IPCEF1: variants seen among roughly 807,000 people sequenced by gnomAD.
IPCEF1 encodes interactor protein for cytohesin exchange factors 1.
A neutral mutation model predicts 50.9 loss-of-function variants in IPCEF1; 31 were observed. The observed-to-expected ratio is 0.61, with a 90% confidence interval of 0.46 to 0.82. The LOEUF is 0.82. Among genes scored for constraint, IPCEF1 ranks in the 40% least tolerant of loss-of-function variants. IPCEF1 has a pLI of 0.00. For missense variants in IPCEF1, 458 were observed against 514.0 expected (o/e 0.89, Z 1.05); for synonymous variants, 181 against 192.0 (o/e 0.94, Z 0.47).
chr6:154,281,439 T>C (rs1248568126), intron 2 of IPCEF1, among the ~76,000 whole-genome samples: 2 of 152,024 alleles, frequency 1.3e-5, no homozygotes, highest in South Asian at 4.1e-4. Flanking sequence ...AGATGGAGGA[T>C]CACTTGAGCC....
intron 9 of IPCEF1, among the ~76,000 whole-genome samples, chr6:154,212,115 TC>T (rs1258949452): frequency 6.6e-6 from 1 of 152,166 alleles, no homozygotes; most frequent in Non-Finnish European, 1.5e-5. Flanking sequence ...AAACCAAAAA[TC>T]ACCTTCCCCA....
intron 10 of IPCEF1, among the ~76,000 whole-genome samples, chr6:154,197,504 T>G (rs1040822): frequency 0.35 from 52,840 of 152,116 alleles, 9,560 homozygotes; most frequent in Middle Eastern, 0.47. Flanking sequence ...TTTCTTTTCC[T>G]TTTTACCAAG....
chr6:154,214,304 G>A lies in IPCEF1; in HGVS notation c.393-28C>T, dbSNP rs757989699. 2.7e-5 allele frequency: 41 copies of A among 1,536,720 alleles called. No homozygotes were observed. The Admixed American group carries it at 3.5e-4, about 13-fold the overall frequency. The stretch of plus-strand genomic sequence containing the variant: ...AAAATTCAAATAGAAAGCAAATGTT[G>A]ACCAAAGAGATTAGCCCCCCACCCA... On this transcript the variant is annotated intron_variant, in intron 7 of 11. Transcript: ENST00000367220.
chr6:154,322,848 A>C (rs1403765090), intron 1 of IPCEF1, among the ~76,000 whole-genome samples: 3 of 152,152 alleles, frequency 2.0e-5, no homozygotes, highest in Admixed American at 1.3e-4. Context: ...AAAAAAAAAA[A>C]ATTATCTCGA....
At chr6:154,246,447 G>A (rs1288468196) in intron 5 of IPCEF1, 144 bp downstream of exon 5, 2 of 936,018 alleles carry the variant, frequency 2.1e-6, no homozygotes, top group East Asian at 5.0e-5. Flanking sequence ...TACTGCACCA[G>A]AAATGGCTTC....
intron 1 of IPCEF1, among the ~76,000 whole-genome samples, chr6:154,327,978 C>T (rs1783562810): frequency 6.6e-6 from 1 of 152,036 alleles, no homozygotes; most frequent in East Asian, 1.9e-4. Context: ...AAAGAGACAA[C>T]CAAATACAAC....
At position 154,168,070 on chromosome 6, in the gene IPCEF1, G is replaced by A. The variant is rs751211428; in HGVS notation, c.954C>T (p.Tyr318=). The A allele has an allele frequency of 2.1e-5, 33 of 1,584,488 alleles. No homozygotes were observed. The highest frequency in any genetic ancestry group is 2.8e-5 in the Non-Finnish European group (33 of 1,160,044). ...VSEDDEMEKL[Y]KSLEQASLSP... is the part of the protein sequence containing the mutation. Reference sequence around the variant, plus strand: ...ATAGACTAGCTTGCTCTAATGATTTGTACAGCTTCTCCATTTCATCATCTT... The same window carrying A: ...ATAGACTAGCTTGCTCTAATGATTTATACAGCTTCTCCATTTCATCATCTT... The change falls in exon 11 of 12, where the codon TAC becomes TAT. Residue 318 remains tyrosine, a synonymous_variant. Transcript: ENST00000367220. The surrounding 1 kb of genome is among the most constrained non-coding windows in gnomAD (Gnocchi z 4.1).
intron 1 of IPCEF1, among the ~76,000 whole-genome samples, chr6:154,313,910 A>AT (rs1216936050): frequency 2.7e-4 from 40 of 149,586 alleles, no homozygotes; most frequent in African/African-American, 7.1e-4. Context: ...CACCTGGCTA[A>AT]TTTTTTTTTT....
chr6:154,277,692 T>C (rs929731098), intron 2 of IPCEF1, among the ~76,000 whole-genome samples: 1 of 152,208 alleles, frequency 6.6e-6, no homozygotes, highest in Non-Finnish European at 1.5e-5. Context: ...TGCGAAGTAA[T>C]ACAAAAATTA....
chr6:154,240,534 G>A lies in IPCEF1; in HGVS notation c.246+6057C>T, dbSNP rs544957991. ...TTTTTCTTGAGCTGAAAAAAAAAAA[G>A]GTACTCTATATTTACTGAAACTTGC... On this transcript the variant is annotated intron_variant, in intron 5 of 11. Transcript: ENST00000367220. 9.1e-4 allele frequency among the ~76,000 whole-genome samples: 132 copies of A among 144,982 alleles called. 1 individual carries two copies. In the South Asian group the frequency reaches 0.026, roughly 29 times the overall value.
chr6:154,166,892 A>T (rs1583686556), intron 11 of IPCEF1, among the ~76,000 whole-genome samples: 1 of 152,230 alleles, frequency 6.6e-6, no homozygotes, highest in East Asian at 1.9e-4. Context: ...ATCGATAAAA[A>T]TTTTAATATT....
chr6:154,314,876 T>C (rs1180470893), intron 1 of IPCEF1, among the ~76,000 whole-genome samples: 3 of 151,106 alleles, frequency 2.0e-5, no homozygotes, highest in Non-Finnish European at 4.4e-5. Flanking sequence ...GCTTCACTAG[T>C]GTGATTACTT....
At chr6:154,216,247 C>T (rs1415451072) in intron 7 of IPCEF1, among the ~76,000 whole-genome samples, 1 of 151,968 alleles carries the variant, frequency 6.6e-6, no homozygotes, top group Non-Finnish European at 1.5e-5. Flanking sequence ...ATTATTTATT[C>T]TATCAACACT....
At chr6:154,290,658 C>T (rs1782490181) in intron 1 of IPCEF1, among the ~76,000 whole-genome samples, 1 of 152,042 alleles carries the variant, frequency 6.6e-6, no homozygotes, top group South Asian at 2.1e-4. Context: ...AATATGAAAA[C>T]AAAAGTTTTC....
intron 1 of IPCEF1, among the ~76,000 whole-genome samples, chr6:154,328,164 G>A (rs1783568179): frequency 6.6e-6 from 1 of 152,050 alleles, no homozygotes; most frequent in Non-Finnish European, 1.5e-5. Flanking sequence ...AACCACCATG[G>A]TACACATTTA....
At chr6:154,232,969 C>CTTTTT (rs780567029) in intron 5 of IPCEF1, among the ~76,000 whole-genome samples, 1 of 134,616 alleles carries the variant, frequency 7.4e-6, no homozygotes, top group African/African-American at 2.7e-5. Flanking sequence ...TTTTTCTTTT[C>CTTTTT]TTTTTTTTTT....
intron 1 of IPCEF1, among the ~76,000 whole-genome samples, chr6:154,349,183 C>CTTATTA (rs149749046): frequency 0.035 from 5,119 of 147,562 alleles, 291 homozygotes; most frequent in African/African-American, 0.12. Flanking sequence ...ATTATTTTAT[C>CTTATTA]TTATTATTAT....
chr6:154,189,692 G>A (rs766693634), intron 10 of IPCEF1, among the ~76,000 whole-genome samples: 1 of 152,066 alleles, frequency 6.6e-6, no homozygotes, highest in Non-Finnish European at 1.5e-5. Context: ...CACCGGGCCA[G>A]GCGCGGTGGC....
chr6:154,247,607 T>A, intron 3 of IPCEF1, 119 bp from the exon 4 acceptor site: 1 of 754,926 alleles, frequency 1.3e-6, no homozygotes, highest in South Asian at 1.9e-5. Flanking sequence ...AAAAAAAAAC[T>A]CTCCAGGCAG....
Sources: allele counts gnomAD v4.1 joint callset (sites outside exome capture counted in the v4.1 genomes callset), GRCh38; gene constraint gnomAD v4.1.1; non-coding constraint Gnocchi (gnomAD v3.1); transcripts MANE v1.5; gene names NCBI Gene and HGNC (gene_info 2026-07-23, HGNC 2026-07-21).